Variants in TP63 observed in about 807,000 individuals in gnomAD.
TP63 encodes the protein tumor protein p63, also known as tumor protein 63.
TP63 carries 17 observed loss-of-function variants against 82.8 expected under a neutral mutation model. The observed-to-expected ratio is 0.21, with a 90% confidence interval of 0.14 to 0.31. The LOEUF (loss-of-function observed/expected upper bound fraction) is 0.31. Ranked by LOEUF, TP63 falls within the 10% of genes least tolerant of loss-of-function variation. The probability of loss-of-function intolerance (pLI) is 1.00; values close to 1 mark genes in which losing one functional copy is unlikely to be tolerated. For missense variants in TP63, 648 were observed against 895.3 expected (o/e 0.72, Z 3.52); for synonymous variants, 330 against 321.7 (o/e 1.03, Z -0.28).
intron 10 of TP63, among the ~76,000 whole-genome samples, chr3:189,883,325 GCTTCC>G (rs1720123958): frequency 6.6e-6 from 1 of 152,086 alleles, no homozygotes; most frequent in Non-Finnish European, 1.5e-5. Context: ...AGACTACCTT[GCTTCC>G]CTTCCGTGTG....
chr3:189,707,002 G>A (rs1361854852), intron 1 of TP63, among the ~76,000 whole-genome samples: 1 of 150,926 alleles, frequency 6.6e-6, no homozygotes, highest in East Asian at 1.9e-4. Context: ...GTGTTCTTTT[G>A]CTAGCTCACT....
In TP63 at chr3:189,695,224, CA is replaced by C. The variant is rs570078283; in HGVS notation, c.63-42515del. Among the ~76,000 whole-genome samples, 629 of 152,126 alleles carry C rather than the reference CA, an allele frequency of 4.1e-3. 5 individuals are homozygous for C. Among genetic ancestry groups the C allele is most frequent in the African/African-American group, 0.014 (592 of 41,498 alleles). ...TAAACTCATGGATAGTTATGTTATA[CA>C]TTGGAATATAATTAAATACTACTTT... On this transcript the variant is annotated intron_variant, in intron 1 of 13. Coordinates refer to ENST00000264731, the MANE Select transcript of TP63 (RefSeq NM_003722.5).
chr3:189,894,758 T>C lies in TP63; in HGVS notation c.*256T>C, dbSNP rs987211703. On this transcript the variant is annotated 3_prime_UTR_variant, in exon 14 of 14. Transcript: ENST00000264731. ...CTAGGTAGAAGTGAGCAAAAAAGAGTTGGGTGTCTCCTTAAGCTGCAGAGA... is the reference window on the plus strand; with the variant it reads ...CTAGGTAGAAGTGAGCAAAAAAGAGCTGGGTGTCTCCTTAAGCTGCAGAGA... The C allele has an allele frequency of 2.7e-5, 14 of 515,540 alleles. No homozygotes were observed. The highest frequency in any genetic ancestry group is 1.6e-4 in the Admixed American group (5 of 30,946). 31.9% of individuals were successfully genotyped at this position (515,540 alleles called of 1,614,324 possible).
chr3:189,614,797 G>A, the TP63 span, among the ~76,000 whole-genome samples: 5 of 152,246 alleles, frequency 3.3e-5, no homozygotes, highest in South Asian at 2.1e-4. Context: ...TAATATTAAC[G>A]TGGTACTTAT....
chr3:189,852,132 T>C (rs937224127), intron 4 of TP63, among the ~76,000 whole-genome samples: 32 of 152,188 alleles, frequency 2.1e-4, no homozygotes, highest in Non-Finnish European at 4.0e-4. Flanking sequence ...TTAAATAGGA[T>C]TTTTTAACTC....
chr3:189,683,469 ACTT>A (rs1716153510), intron 1 of TP63, among the ~76,000 whole-genome samples: 1 of 152,176 alleles, frequency 6.6e-6, no homozygotes, highest in Non-Finnish European at 1.5e-5. Flanking sequence ...TAATTCATTC[ACTT>A]TCTTTTAGAA....
chr3:189,697,233 G>GTTTTTTTTT (rs60550638), intron 1 of TP63, among the ~76,000 whole-genome samples: 1 of 142,252 alleles, frequency 7.0e-6, no homozygotes. Context: ...TCTAGGTTCA[G>GTTTTTTTTT]TTTTTTTTTT....
intron 3 of TP63, among the ~76,000 whole-genome samples, chr3:189,772,726 C>T (rs572896888): frequency 1.2e-4 from 19 of 152,180 alleles, no homozygotes; most frequent in African/African-American, 4.1e-4. Context: ...TGTCTAACAG[C>T]GTTGGTGGTG....
At chr3:189,784,182 G>T (rs560128010) in intron 3 of TP63, among the ~76,000 whole-genome samples, 1 of 151,896 alleles carries the variant, frequency 6.6e-6, no homozygotes, top group Non-Finnish European at 1.5e-5. Flanking sequence ...AACAATATGA[G>T]GAGAGATTAT....
intron 1 of TP63, among the ~76,000 whole-genome samples, chr3:189,648,620 A>G (rs1712621283): frequency 6.8e-6 from 1 of 147,548 alleles, no homozygotes; most frequent in Non-Finnish European, 1.5e-5. Flanking sequence ...TCTCATTAGG[A>G]TAAATGAATC....
At chr3:189,807,215 A>G (rs1727009483) in intron 3 of TP63, among the ~76,000 whole-genome samples, 1 of 152,192 alleles carries the variant, frequency 6.6e-6, no homozygotes, top group Admixed American at 6.5e-5. Flanking sequence ...TGATAGGCTG[A>G]TTTGCCTACT....
At chr3:189,849,803 C>A (rs1484673446) in intron 4 of TP63, among the ~76,000 whole-genome samples, 1 of 152,042 alleles carries the variant, frequency 6.6e-6, no homozygotes, top group Non-Finnish European at 1.5e-5. Context: ...TAAGCTTCAC[C>A]TCTTTAAGTC....
At chr3:189,879,726 C>A (rs753958446) in intron 10 of TP63, among the ~76,000 whole-genome samples, 1 of 151,990 alleles carries the variant, frequency 6.6e-6, no homozygotes, top group Non-Finnish European at 1.5e-5. Flanking sequence ...TCGACTGAAT[C>A]GCCTTGTGTA....
At chr3:189,653,293 G>A (rs182891967) in intron 1 of TP63, among the ~76,000 whole-genome samples, 2 of 152,246 alleles carry the variant, frequency 1.3e-5, no homozygotes, top group Non-Finnish European at 2.9e-5. Context: ...GTGGTTTCTC[G>A]ACACTGACCA....
At chr3:189,702,286 C>G (rs1717873497) in intron 1 of TP63, among the ~76,000 whole-genome samples, 2 of 152,184 alleles carry the variant, frequency 1.3e-5, no homozygotes, top group Non-Finnish European at 1.5e-5. Flanking sequence ...CAATGAATCT[C>G]AACTTTCCAA....
At chr3:189,742,574 C>CCAAT (rs1364474627) in intron 3 of TP63, among the ~76,000 whole-genome samples, 1 of 152,172 alleles carries the variant, frequency 6.6e-6, no homozygotes, top group Admixed American at 6.5e-5. Flanking sequence ...TATCAAAAGA[C>CCAAT]CAATATCTAT....
chr3:189,614,017 T>A, the TP63 span, among the ~76,000 whole-genome samples: 1 of 152,246 alleles, frequency 6.6e-6, no homozygotes, highest in Admixed American at 6.5e-5. Context: ...ACTGTGGACT[T>A]TTTGGTTAGG....
upstream of TP63, among the ~76,000 whole-genome samples, chr3:189,629,422 AAATT>A (rs201505604): frequency 4.7e-3 from 723 of 152,232 alleles, 27 homozygotes; most frequent in Admixed American, 0.042. Context: ...TAAAAAACAA[AAATT>A]AATTAAATTT....
intron 12 of TP63, among the ~76,000 whole-genome samples, chr3:189,889,856 C>G (rs1366366341): frequency 1.3e-5 from 2 of 152,206 alleles, no homozygotes; most frequent in Non-Finnish European, 2.9e-5. Context: ...CTTTTCCTCT[C>G]TCTCTAATCC....
Sources: allele counts gnomAD v4.1 joint callset (sites outside exome capture counted in the v4.1 genomes callset), GRCh38; gene constraint gnomAD v4.1.1; transcripts MANE v1.5; gene names NCBI Gene and HGNC (gene_info 2026-07-23, HGNC 2026-07-21).